APBA1: variants seen among roughly 807,000 people sequenced by gnomAD.
The protein encoded by APBA1 is amyloid-beta A4 precursor protein-binding family A member 1.
APBA1 carries 55 observed loss-of-function variants against 86.6 expected under a neutral mutation model. The observed-to-expected ratio is 0.64, with a 90% CI of 0.51 to 0.80. APBA1 has a LOEUF of 0.80. Among genes scored for constraint, APBA1 ranks in the 30% least tolerant of loss-of-function variants. The pLI, the probability that APBA1 is intolerant of heterozygous loss-of-function variation, is 0.00. For missense variants in APBA1, 1,090 were observed against 1,183.0 expected, an observed-to-expected ratio of 0.92 and a Z score of 1.15; for synonymous variants, 511 against 493.9, an observed-to-expected ratio of 1.03 and a Z score of -0.46.
intron 1 of APBA1, among the ~76,000 whole-genome samples, chr9:69,531,770 G>A (rs755173332): frequency 5.9e-5 from 9 of 152,210 alleles, no homozygotes; most frequent in Admixed American, 5.9e-4. Context: ...TGGAGGAGGA[G>A]TTGGAAGAGG....
rs1479311663 is a variant in APBA1, at chr9:69,591,219, A to G, written c.-69-73940T>C. Reference sequence around the variant, plus strand: ...GTTAACTGCATTTCCCCCTCTCTCCAGGTGCCTCTTTTCCCCTTCTCTTTA... The same window carrying G: ...GTTAACTGCATTTCCCCCTCTCTCCGGGTGCCTCTTTTCCCCTTCTCTTTA... On this transcript the variant is annotated intron_variant, in intron 1 of 12. Transcript: ENST00000265381. 3.9e-5 allele frequency among the ~76,000 whole-genome samples: 6 copies of G among 152,208 alleles called. 1 individual carries two copies. Among genetic ancestry groups the G allele is most frequent in the Admixed American group, 3.9e-4 (6 of 15,272 alleles).
At chr9:69,636,586 A>C (rs1823163750) in intron 1 of APBA1, among the ~76,000 whole-genome samples, 2 of 151,936 alleles carry the variant, frequency 1.3e-5, no homozygotes, top group Admixed American at 1.3e-4. Flanking sequence ...ACTGGAGCCC[A>C]GGAATTTGAG....
At chr9:69,600,593 G>A (rs1822328621) in intron 1 of APBA1, among the ~76,000 whole-genome samples, 1 of 152,030 alleles carries the variant, frequency 6.6e-6, no homozygotes, top group South Asian at 2.1e-4. Context: ...GAGGTCAGGA[G>A]TTTGAGATCA....
chr9:69,529,072 C>G (rs914393377), intron 1 of APBA1, among the ~76,000 whole-genome samples: 5 of 152,038 alleles, frequency 3.3e-5, no homozygotes, highest in African/African-American at 1.2e-4. Flanking sequence ...CAAATTTATA[C>G]CAGAATATCA....
chr9:69,528,095 C>T (rs1836370808), intron 1 of APBA1, among the ~76,000 whole-genome samples: 1 of 152,154 alleles, frequency 6.6e-6, no homozygotes, highest in Non-Finnish European at 1.5e-5. Flanking sequence ...CTAGTGGCCA[C>T]ATCTTTAATA....
At chr9:69,477,228 G>T (rs1369749825) in intron 2 of APBA1, among the ~76,000 whole-genome samples, 1 of 151,690 alleles carries the variant, frequency 6.6e-6, no homozygotes, top group African/African-American at 2.4e-5. Flanking sequence ...TCTCACTAGG[G>T]AGTGCCAGAC....
intron 1 of APBA1, among the ~76,000 whole-genome samples, chr9:69,616,596 C>T (rs1249245791): frequency 6.6e-6 from 1 of 152,166 alleles, no homozygotes; most frequent in Admixed American, 6.5e-5. Flanking sequence ...CTAATGCCTA[C>T]AGAACAGATA....
intron 1 of APBA1, among the ~76,000 whole-genome samples, chr9:69,662,433 C>T (rs926937960): frequency 6.6e-6 from 1 of 152,100 alleles, no homozygotes; most frequent in African/African-American, 2.4e-5. Context: ...TTTATGTGTA[C>T]TTTGATAGCT....
intron 12 of APBA1, among the ~76,000 whole-genome samples, chr9:69,431,882 ATGACAGCAGTGATGAC>A (rs970814644): frequency 9.2e-5 from 14 of 152,162 alleles, no homozygotes; most frequent in South Asian, 6.2e-4. Context: ...TGATAAATCA[ATGACAGCAGTGATGAC>A]TGACAGCAGT....
At chr9:69,462,014 A>C (rs2133821642) in intron 5 of APBA1, 1 of 152,390 alleles carries the variant, frequency 6.6e-6, no homozygotes, top group African/African-American at 2.4e-5. Flanking sequence ...AAATCATAAA[A>C]GAATGAAAAA....
chr9:69,591,889 G>A (rs1278689221), intron 1 of APBA1, among the ~76,000 whole-genome samples: 1 of 152,034 alleles, frequency 6.6e-6, no homozygotes, highest in Non-Finnish European at 1.5e-5. Context: ...TCTGATTTTT[G>A]TTTTCAGAAA....
chr9:69,434,429 A>G (rs2133783437), intron 11 of APBA1, among the ~76,000 whole-genome samples: 1 of 152,220 alleles, frequency 6.6e-6, no homozygotes, highest in Non-Finnish European at 1.5e-5. Flanking sequence ...AAAAAAAAAA[A>G]AGTCAAAGGC....
chr9:69,466,673 G>A (rs1247293975), intron 5 of APBA1, among the ~76,000 whole-genome samples: 1 of 152,162 alleles, frequency 6.6e-6, no homozygotes, highest in Non-Finnish European at 1.5e-5. Flanking sequence ...CCAAGACCCT[G>A]CACAGCTCTT....
At chr9:69,672,597 C>A (rs1823979367), upstream of APBA1, among the ~76,000 whole-genome samples, 1 of 150,382 alleles carries the variant, frequency 6.6e-6, no homozygotes, top group Non-Finnish European at 1.5e-5. Context: ...CCGTGGGCCG[C>A]CGGCTGCAGC....
chr9:69,624,236 G>A (rs1370172593), intron 1 of APBA1, among the ~76,000 whole-genome samples: 1 of 152,218 alleles, frequency 6.6e-6, no homozygotes, highest in East Asian at 1.9e-4. Flanking sequence ...CACTGCATAA[G>A]ACCAACATAA....
chr9:69,575,632 G>A (rs530816311), intron 1 of APBA1, among the ~76,000 whole-genome samples: 1 of 152,270 alleles, frequency 6.6e-6, no homozygotes, highest in South Asian at 2.1e-4. Context: ...AATAAATGGT[G>A]CTGGGAAAAT....
At position 69,516,124 on chromosome 9, in the gene APBA1, T is replaced by C. The variant is rs751518725; in HGVS notation, c.1087A>G (p.Arg363Gly). Residue 363 changes from arginine (R) to glycine (G), a missense_variant, in exon 2 of 13, where the codon AGG (arginine) becomes GGG (glycine). Around this residue, in one of 6 missense-constraint regions of APBA1, gnomAD observed 678 missense variants for 647.1 expected, o/e 1.05. Transcript: ENST00000265381. The surrounding 1 kb of genome is among the most constrained non-coding windows in gnomAD (Gnocchi z 7.3). ...IKEAIEEVKT[R>G]TIRSPYTPDE... ...GGGGTGTAAGGCGAACGGATGGTCC[T>C]GGTTTTCACCTCCTCGATGGCCTCC... 1.2e-6 allele frequency: 2 copies of C among 1,613,696 alleles called. No homozygotes were observed. The highest frequency in any genetic ancestry group is 2.2e-5 in the East Asian group (1 of 44,788).
Position 69,517,023 on chromosome 9 carries a change from T to C in APBA1, c.188A>G (p.Gln63Arg). 6.3e-7 allele frequency: 1 copy of C among 1,578,458 alleles called. No homozygotes were observed. The highest frequency in any genetic ancestry group is 1.3e-5 in the African/African-American group (1 of 74,406). The change falls in exon 2 of 13, where the codon CAG becomes CGG. Residue 63 changes from glutamine (Q) to arginine (R), a missense_variant. Coordinates refer to ENST00000265381, the MANE Select transcript of APBA1 (RefSeq NM_001163.4). Reference sequence around the variant, plus strand: ...GCGCTCCTCTTCCTCCTGGCCGAGCTGGGCGCGGAGGTCCTCGAGGGCTCG... The same window carrying C: ...GCGCTCCTCTTCCTCCTGGCCGAGCCGGGCGCGGAGGTCCTCGAGGGCTCG... ...RGRALEDLRA[Q>R]LGQEEEERGE...
At chr9:69,654,389 C>T (rs1360645580) in intron 1 of APBA1, among the ~76,000 whole-genome samples, 1 of 151,998 alleles carries the variant, frequency 6.6e-6, no homozygotes, top group Non-Finnish European at 1.5e-5. Context: ...CGCTTGAGAC[C>T]AGGAGTTCAA....
Sources: gnomAD v4.1 joint callset for allele counts (sites outside exome capture counted in the v4.1 genomes callset) on GRCh38, gnomAD v4.1.1 for gene constraint, gnomAD v4.1.1 regional missense constraint, Gnocchi (gnomAD v3.1) non-coding constraint, MANE v1.5 for transcripts, NCBI Gene and HGNC (gene_info 2026-07-23, HGNC 2026-07-21) for gene names.